TNR: variants seen among roughly 807,000 people sequenced by gnomAD.
TNR encodes the protein tenascin R.
In TNR, 45 loss-of-function variants were observed where a neutral mutation model predicts 150.4. The ratio of observed to expected loss-of-function variants is 0.30; its 90% CI spans 0.24 to 0.38. The LOEUF is 0.38. TNR is among the 10% of genes least tolerant of loss of function. The pLI is 1.00. For missense variants in TNR, 1,544 were observed against 1,759.1 expected (o/e 0.88, Z 2.19); for synonymous variants, 687 against 678.4 (o/e 1.01, Z -0.20).
intron 2 of TNR, among the ~76,000 whole-genome samples, chr1:175,514,976 G>T (rs995604495): frequency 6.6e-6 from 1 of 152,196 alleles, no homozygotes; most frequent in African/African-American, 2.4e-5. Flanking sequence ...CAGATAAAGA[G>T]TGGGAGGATA....
Position 175,501,331 on chromosome 1 carries a change from G to T in TNR, c.-64+26938C>A, listed in dbSNP as rs550906400. Among the ~76,000 whole-genome samples the T allele has an allele frequency of 2.0e-5, 3 of 152,336 alleles. No individual in the cohort carries two copies. In the East Asian group the frequency reaches 5.8e-4, roughly 29 times the overall value. On this transcript the variant is annotated intron_variant, in intron 2 of 22. Transcript: ENST00000367674. ...AATGTGACCATGTAGCTAGGACCTA[G>T]GGGTGAGCTGCAGAAGTTGAGATCA...
intron 12 of TNR, among the ~76,000 whole-genome samples, chr1:175,364,327 C>CTTTTTTTTTTTTT (rs71129505): frequency 7.0e-6 from 1 of 142,522 alleles, no homozygotes. Context: ...ATGCTATGGG[C>CTTTTTTTTTTTTT]TTTTTTTTTT....
chr1:175,432,709 G>A (rs1420138223), intron 2 of TNR, among the ~76,000 whole-genome samples: 1 of 151,544 alleles, frequency 6.6e-6, no homozygotes, highest in African/African-American at 2.4e-5. Context: ...ATTGTATTAG[G>A]AGCCTAGGGG....
chr1:175,576,215 C>A (rs1662104768), intron 1 of TNR, among the ~76,000 whole-genome samples: 1 of 152,144 alleles, frequency 6.6e-6, no homozygotes, highest in Admixed American at 6.5e-5. Context: ...AAAGAAATTA[C>A]TTTTCTGTGA....
intron 9 of TNR, among the ~76,000 whole-genome samples, chr1:175,369,904 A>C (rs1420083800): frequency 1.3e-5 from 2 of 152,194 alleles, no homozygotes; most frequent in African/African-American, 4.8e-5. Context: ...CATGCAATAA[A>C]TGTTGCTTAA....
chr1:175,400,696 G>T lies in TNR; in HGVS notation c.976+2444C>A, dbSNP rs74127000. Reference sequence around the variant, plus strand: ...AATGCCCTATAACGAAGTATATTTTGTGGCTCTCAGTGTTTTCACCTTCCT... The same window carrying T: ...AATGCCCTATAACGAAGTATATTTTTTGGCTCTCAGTGTTTTCACCTTCCT... On this transcript the variant is annotated intron_variant, in intron 4 of 22. Coordinates refer to ENST00000367674, the MANE Select transcript of TNR (RefSeq NM_003285.3). 5.4e-3 allele frequency among the ~76,000 whole-genome samples: 817 copies of T among 152,292 alleles called. 3 individuals carry two copies. Among genetic ancestry groups the T allele is most frequent in the African/African-American group, 0.019 (789 of 41,560 alleles).
rs138847209 is a variant in TNR at position 175,598,952 on chromosome 1, C to T, written c.-164-70583G>A. Among the ~76,000 whole-genome samples, 200 of 152,352 alleles carry T rather than the reference C, an allele frequency of 1.3e-3. No homozygotes were observed. The Middle Eastern group carries it at 0.014, about 10-fold the overall frequency. On this transcript the variant is annotated intron_variant, in intron 1 of 22. Transcript: ENST00000367674. Reference sequence around the variant, plus strand: ...AATCCAACGTGTGCAGGAACCCCTCCCTCTTTGTTGAGCAGAGAGGAGATG... The same window carrying T: ...AATCCAACGTGTGCAGGAACCCCTCTCTCTTTGTTGAGCAGAGAGGAGATG...
At chr1:175,659,365 T>TAA (rs1665291426) in intron 1 of TNR, among the ~76,000 whole-genome samples, 1 of 152,146 alleles carries the variant, frequency 6.6e-6, no homozygotes, top group Non-Finnish European at 1.5e-5. Context: ...GATGAACATA[T>TAA]CCCTGGAGCA....
chr1:175,490,866 T>A (rs1658217542), intron 2 of TNR, among the ~76,000 whole-genome samples: 1 of 152,250 alleles, frequency 6.6e-6, no homozygotes, highest in South Asian at 2.1e-4. Context: ...ATCTCATTAC[T>A]GGGTATATAC....
intron 1 of TNR, among the ~76,000 whole-genome samples, chr1:175,529,451 C>G (rs1448959223): frequency 6.6e-6 from 1 of 152,200 alleles, no homozygotes; most frequent in Non-Finnish European, 1.5e-5. Context: ...AGTGAATACT[C>G]CAGTGCATCC....
chr1:175,546,462 T>C (rs4650923), intron 1 of TNR, among the ~76,000 whole-genome samples: 104,094 of 152,076 alleles, frequency 0.68, 35,887 homozygotes, highest in Admixed American at 0.76. Context: ...TGTCCACTGT[T>C]TCTTTGTGAG....
At chr1:175,630,115 G>C (rs1489845051) in intron 1 of TNR, among the ~76,000 whole-genome samples, 2 of 152,150 alleles carry the variant, frequency 1.3e-5, no homozygotes, top group African/African-American at 4.8e-5. Flanking sequence ...CCCAAGTCTA[G>C]GAACAAGGGC....
chr1:175,340,194 A>G (rs1271988876), intron 18 of TNR, among the ~76,000 whole-genome samples: 1 of 152,030 alleles, frequency 6.6e-6, no homozygotes, highest in South Asian at 2.1e-4. Flanking sequence ...TCTTCCTTCC[A>G]GGCCGGCAAT....
chr1:175,583,323 G>A (rs937040694), intron 1 of TNR, among the ~76,000 whole-genome samples: 8 of 152,210 alleles, frequency 5.3e-5, no homozygotes, highest in Admixed American at 3.3e-4. Flanking sequence ...AAGCCACAGT[G>A]CCTGTGAGAG....
At chr1:175,696,616 A>C (rs953823062) in intron 1 of TNR, among the ~76,000 whole-genome samples, 2 of 152,230 alleles carry the variant, frequency 1.3e-5, no homozygotes. Flanking sequence ...CGATTTTAAA[A>C]AATAAATATC....
At chr1:175,552,918 T>A (rs55853469) in intron 1 of TNR, among the ~76,000 whole-genome samples, 6,269 of 152,256 alleles carry the variant, frequency 0.041, 127 homozygotes, top group South Asian at 0.068. Context: ...GACTTCATGG[T>A]TAGAAGTGGC....
chr1:175,365,390 C>G (rs2102013740), intron 11 of TNR, 111 bp from the exon 12 acceptor site: 1 of 1,239,944 alleles, frequency 8.1e-7, no homozygotes, highest in South Asian at 1.6e-5. Flanking sequence ...AAGGGCCACA[C>G]CTTCACCCAC....
At chr1:175,522,638 T>C (rs1659685712) in intron 2 of TNR, among the ~76,000 whole-genome samples, 1 of 152,060 alleles carries the variant, frequency 6.6e-6, no homozygotes, top group Non-Finnish European at 1.5e-5. Context: ...GTTGACACAG[T>C]ATGTAGTACT....
chr1:175,458,684 A>G (rs1656675781), intron 2 of TNR, among the ~76,000 whole-genome samples: 1 of 152,212 alleles, frequency 6.6e-6, no homozygotes, highest in Non-Finnish European at 1.5e-5. Flanking sequence ...TGCAACCTCT[A>G]TTTTGTGATA....
Sources: gnomAD v4.1 joint callset for allele counts (sites outside exome capture counted in the v4.1 genomes callset) on GRCh38, gnomAD v4.1.1 for gene constraint, MANE v1.5 for transcripts, NCBI Gene and HGNC (gene_info 2026-07-23, HGNC 2026-07-21) for gene names.